The following ABCC3 variants were observed in gnomAD, a reference collection of about 807,000 sequenced individuals.
ABCC3 encodes the protein ATP binding cassette subfamily C member 3.
A neutral mutation model predicts 165.3 loss-of-function variants in ABCC3; 121 were observed. That is an observed-to-expected ratio of 0.73 (90% confidence interval 0.63 to 0.85). ABCC3 has a LOEUF of 0.85. ABCC3 is among the 40% of genes least tolerant of loss of function. The pLI is 0.00. For synonymous variants in ABCC3, 733 were observed against 810.1 expected (o/e 0.90, Z 1.62); for missense variants, 1,869 against 1,964.1 (o/e 0.95, Z 0.92).
At chr17:50,672,870 G>GAAA (rs376786367) in intron 17 of ABCC3, 101 bp from the exon 18 acceptor site, 62 of 959,380 alleles carry the variant, frequency 6.5e-5, no homozygotes, top group Middle Eastern at 3.1e-4. Flanking sequence ...CCCATCTCAG[G>GAAA]AAAAAAAAAA....
At position 50,669,220 on chromosome 17, in the gene ABCC3, C is replaced by T. The variant is rs978476558; in HGVS notation, c.2018C>T (p.Ala673Val). The change falls in exon 16 of 31, where the codon GCC becomes GTC. Residue 673 changes from alanine (A) to valine (V), a missense_variant. Transcript: ENST00000285238. ...TGTGGGAAGTCCTCCCTGGTGTCTGCCCTGCTGGGAGAGATGGAGAAGCTA... is the reference window on the plus strand; with the variant it reads ...TGTGGGAAGTCCTCCCTGGTGTCTGTCCTGCTGGGAGAGATGGAGAAGCTA... ...VGCGKSSLVS[A>V]LLGEMEKLEG... 2.5e-6 allele frequency: 4 copies of T among 1,613,214 alleles called. No individual in the cohort carries two copies. Among genetic ancestry groups the T allele is most frequent in the African/African-American group, 2.7e-5 (2 of 74,874 alleles).
rs1967501138 is a variant in ABCC3, at chr17:50,665,391, T to C, written c.1431+146T>C. 32 of 668,390 alleles carry C rather than the reference T, an allele frequency of 4.8e-5. 1 individual carries two copies. In the South Asian group the frequency reaches 5.4e-4, roughly 11 times the overall value. 41.4% of individuals were successfully genotyped at this position (668,390 alleles called of 1,614,324 possible). On this transcript the variant is annotated intron_variant, in intron 11 of 30. Transcript: ENST00000285238. ...GCCATTTGCAGAAACCATAGCTCACTCTTCCCTCACAGCTCTCAGAGGGTT... is the reference window on the plus strand; with the variant it reads ...GCCATTTGCAGAAACCATAGCTCACCCTTCCCTCACAGCTCTCAGAGGGTT...
chr17:50,683,364 A>G (rs1401445008), intron 26 of ABCC3, among the ~76,000 whole-genome samples: 1 of 151,340 alleles, frequency 6.6e-6, no homozygotes, highest in Non-Finnish European at 1.5e-5. Flanking sequence ...AAAAAAAAAA[A>G]AAAGGAACAT....
At chr17:50,640,331 C>G (rs910961083) in intron 1 of ABCC3, among the ~76,000 whole-genome samples, 1 of 152,188 alleles carries the variant, frequency 6.6e-6, no homozygotes, top group Non-Finnish European at 1.5e-5. Flanking sequence ...ACAAAACTCT[C>G]TGGGTCTAAT....
At chr17:50,686,713 A>G (rs1968028593) in intron 29 of ABCC3, among the ~76,000 whole-genome samples, 1 of 152,126 alleles carries the variant, frequency 6.6e-6, no homozygotes. Context: ...AGCCACTTTA[A>G]GTATAACCTG....
At chr17:50,657,520 CTGGCTTACCTAGAGGT>C (rs1377679764) in intron 4 of ABCC3, among the ~76,000 whole-genome samples, 2 of 152,226 alleles carry the variant, frequency 1.3e-5, no homozygotes, top group Non-Finnish European at 2.9e-5. Context: ...GTGAAGAGTT[CTGGCTTACCTAGAGGT>C]CCCATTAGCA....
Position 50,634,902 on chromosome 17 carries a change from C to A in ABCC3, c.-35C>A, listed in dbSNP as rs112259322. ...CGCTCTGCCCGCCGCTGGGTCCGAC[C>A]GCGCTCGCCTTCCTTGCAGCCGCGC... On this transcript the variant is annotated 5_prime_UTR_variant, in exon 1 of 31. Transcript: ENST00000285238. 0.011 allele frequency: 13,346 copies of A among 1,249,632 alleles called. 80 individuals are homozygous for A. The highest frequency in any genetic ancestry group is 0.012 in the Non-Finnish European group (12,354 of 996,400). The allele number at this position is 1,249,632 out of a possible 1,614,324, so 77.4% of individuals were successfully genotyped here.
intron 2 of ABCC3, 46 bp downstream of exon 2, chr17:50,656,054 A>G (rs776368551): frequency 1.4e-6 from 2 of 1,394,806 alleles, no homozygotes; most frequent in East Asian, 5.0e-5. Context: ...GGCCCTGGGG[A>G]TTCTGCTTTT....
At chr17:50,665,046 C>G (rs1289244794) in intron 10 of ABCC3, 107 bp from the exon 11 acceptor site, 4 of 899,420 alleles carry the variant, frequency 4.4e-6, no homozygotes, top group Non-Finnish European at 7.2e-6. Context: ...TGCTTCCTGC[C>G]CATCTACACA....
intron 11 of ABCC3, 145 bp downstream of exon 11, chr17:50,665,390 C>G: frequency 1.5e-6 from 1 of 669,392 alleles, no homozygotes; most frequent in Non-Finnish European, 2.6e-6. Context: ...CCATAGCTCA[C>G]TCTTCCCTCA....
intron 17 of ABCC3, among the ~76,000 whole-genome samples, chr17:50,671,182 G>A (rs1392478458): frequency 6.6e-6 from 1 of 151,856 alleles, no homozygotes; most frequent in East Asian, 1.9e-4. Flanking sequence ...CGTAAGCCCA[G>A]GAGGCGGAGG....
chr17:50,640,827 C>A (rs1460173449), intron 1 of ABCC3, among the ~76,000 whole-genome samples: 1 of 152,212 alleles, frequency 6.6e-6, no homozygotes, highest in African/African-American at 2.4e-5. Context: ...CCCCTGCCCC[C>A]AGGCCTTCCA....
At chr17:50,654,715 C>T (rs1967186996) in intron 1 of ABCC3, among the ~76,000 whole-genome samples, 1 of 152,110 alleles carries the variant, frequency 6.6e-6, no homozygotes, top group South Asian at 2.1e-4. Flanking sequence ...TCTCCCTATC[C>T]CTGACCCGGG....
In ABCC3 at chr17:50,659,248, A is replaced by G. The variant is rs1597848697; in HGVS notation, c.686A>G (p.Tyr229Cys). The part of the protein sequence containing the change: ...FFWWFTKMAI[Y>C]GYRHPLEEKD... ...TCACCTCCCCCCAGGATGGCCATCT[A>G]TGGCTACCGGCATCCCCTGGAGGAG... The change falls in exon 7 of 31, where the codon TAT (tyrosine) becomes TGT (cysteine). Residue 229 changes from tyrosine to cysteine, a missense_variant. Physicochemically the swap from Tyr to Cys is radical, Grantham distance 194 (BLOSUM62 -2). Coordinates refer to ENST00000285238, the MANE Select transcript of ABCC3 (RefSeq NM_003786.4). The G allele has an allele frequency of 2.5e-6, 4 of 1,613,666 alleles. No individual in the cohort carries two copies. Among genetic ancestry groups the G allele is most frequent in the Non-Finnish European group, 3.4e-6 (4 of 1,179,742 alleles).
rs1168188449 is a variant in ABCC3 at position 50,691,401 on chromosome 17, G to C, written c.*201G>C. The C allele has an allele frequency of 1.9e-6, 1 of 534,202 alleles. No homozygotes were observed. The highest frequency in any genetic ancestry group is 3.4e-6 in the Non-Finnish European group (1 of 292,864). The allele number at this position is 534,202 out of a possible 1,614,324, so 33.1% of individuals were successfully genotyped here. On this transcript the variant is annotated 3_prime_UTR_variant, in exon 31 of 31. Coordinates refer to ENST00000285238, the MANE Select transcript of ABCC3 (RefSeq NM_003786.4). ...CCCAAGTGGTGAATGACACGCCTAA[G>C]GTCACAGCTAGTTTGAGCCAGTTAG... is the stretch of plus-strand genomic sequence containing the variant.
chr17:50,663,988 TG>T lies in ABCC3; in HGVS notation c.1216del (p.Val406TrpfsTer43), dbSNP rs1265191925. ...ITNSVKRAST[V>X]GEIVNLMSVD... ...CCAACTCAGTCAAACGTGCGTCCAC[TG>T]TGGGGGAAATTGTCAACCTCATGTC... On this transcript the variant is annotated frameshift_variant, in exon 10 of 31. Transcript: ENST00000285238. LOFTEE classifies it high-confidence loss of function. The T allele has an allele frequency of 6.2e-7, 1 of 1,614,162 alleles. No individual in the cohort carries two copies. Among genetic ancestry groups the T allele is most frequent in the African/African-American group, 1.3e-5 (1 of 75,044 alleles).
rs757144043 is a variant in ABCC3, at chr17:50,678,133, G to T, written c.3619G>T (p.Val1207Leu). The change falls in exon 25 of 31, where the codon GTG (valine) becomes TTG (leucine). Residue 1207 changes from valine to leucine, a missense_variant. Coordinates refer to ENST00000285238, the MANE Select transcript of ABCC3 (RefSeq NM_003786.4). ...IGVEFVGNCV[V>L]LFAALFAVIG... ...AGTGGAGTTCGTGGGGAACTGCGTG[G>T]TGCTCTTTGCTGCACTATTTGCCGT... The T allele has an allele frequency of 4.6e-5, 73 of 1,579,506 alleles. No individual in the cohort carries two copies. The Middle Eastern group carries it at 1.2e-3, about 26-fold the overall frequency.
chr17:50,665,361 T>C (rs1330283266), intron 11 of ABCC3, 116 bp downstream of exon 11: 2 of 824,316 alleles, frequency 2.4e-6, no homozygotes, highest in African/African-American at 3.4e-5. Context: ...TATGGATGGC[T>C]ACTAGCCATT....
rs759306578 is a variant in ABCC3 at position 50,663,788 on chromosome 17, A to G, written c.1106A>G (p.His369Arg). The G allele has an allele frequency of 6.2e-7, 1 of 1,614,126 alleles. No individual in the cohort carries two copies. Among genetic ancestry groups the G allele is most frequent in the Non-Finnish European group, 8.5e-7 (1 of 1,180,028 alleles). The change falls in exon 9 of 31, where the codon CAC becomes CGC. Residue 369 changes from histidine (H) to arginine (R), a missense_variant. By Grantham distance (29) the His-to-Arg change is conservative. Coordinates refer to ENST00000285238, the MANE Select transcript of ABCC3 (RefSeq NM_003786.4). ...CSMMQSLILQ[H>R]YYHYIFVTGV... ...ATGATGCAGTCGCTGATCTTACAAC[A>G]CTATTACCACTACATCTTTGTGACT...
Sources: allele counts gnomAD v4.1 joint callset (sites outside exome capture counted in the v4.1 genomes callset), GRCh38; gene constraint gnomAD v4.1.1; transcripts MANE v1.5; gene names NCBI Gene and HGNC (gene_info 2026-07-23, HGNC 2026-07-21).